The following DNAH7 variants were observed in gnomAD, a reference collection of about 807,000 sequenced individuals.
The protein encoded by DNAH7 is dynein axonemal heavy chain 7.
DNAH7 carries 397 observed loss-of-function variants against 444.6 expected under a neutral mutation model. That is an observed-to-expected ratio of 0.89 (90% CI 0.82 to 0.97). The LOEUF is 0.97. Ranked by LOEUF, DNAH7 falls within the 50% of genes least tolerant of loss-of-function variation. The probability of loss-of-function intolerance (pLI) is 0.00; values close to 1 mark genes in which losing one functional copy is unlikely to be tolerated. For missense variants in DNAH7, 4,902 were observed against 4,800.8 expected (o/e 1.02, Z -0.62); for synonymous variants, 1,636 against 1,624.4 (o/e 1.01, Z -0.17).
rs773579016 is a variant in DNAH7 at position 195,816,774 on chromosome 2, A to G, written c.9615T>C (p.Pro3205=). 2.5e-6 allele frequency: 4 copies of G among 1,614,178 alleles called. No individual in the cohort carries two copies. The highest frequency in any genetic ancestry group is 3.4e-6 in the Non-Finnish European group (4 of 1,180,018). ...KIDTTRMGYR[P]IAIHSSILFF... is the part of the protein sequence containing the mutation. ...ATAGGATGGAAGAATGGATGGCAAT[A>G]GGACGATAGCCCATGCGGGTGGTGT... Residue 3205 remains proline (P), a synonymous_variant, in exon 51 of 65, where the codon CCT becomes CCC. Transcript: ENST00000312428.
chr2:196,033,892 A>G (rs1696219279), intron 5 of DNAH7, among the ~76,000 whole-genome samples: 1 of 152,198 alleles, frequency 6.6e-6, no homozygotes, highest in African/African-American at 2.4e-5. Context: ...GGCTGCACTA[A>G]TTTACATTCT....
Position 195,960,345 on chromosome 2 carries a change from T to G in DNAH7, c.2806A>C (p.Ile936Leu), listed in dbSNP as rs1220171765. 5.6e-6 allele frequency: 9 copies of G among 1,613,914 alleles called. No individual in the cohort carries two copies. The South Asian group carries it at 9.9e-5, about 18-fold the overall frequency. Residue 936 changes from isoleucine (I) to leucine (L), a missense_variant, in exon 18 of 65, where the codon ATT becomes CTT. By Grantham distance (5) the Ile-to-Leu change is conservative. Coordinates refer to ENST00000312428, the MANE Select transcript of DNAH7 (RefSeq NM_018897.3). The stretch of plus-strand genomic sequence containing the variant: ...ATATGGTCATCCAACAACATCTGAA[T>G]TTCATCAACTGATGCCAAAATAAAT... ...GTFILASVDE[I>L]QMLLDDHIIK...
intron 24 of DNAH7, among the ~76,000 whole-genome samples, chr2:195,916,099 A>T (rs1687656887): frequency 6.6e-6 from 1 of 152,192 alleles, no homozygotes; most frequent in Admixed American, 6.5e-5. Flanking sequence ...AATGGTGGTG[A>T]AACAACTGGA....
chr2:195,986,800 C>T (rs964547731), intron 14 of DNAH7, among the ~76,000 whole-genome samples: 1 of 152,088 alleles, frequency 6.6e-6, no homozygotes, highest in Non-Finnish European at 1.5e-5. Flanking sequence ...TAGATAATGT[C>T]CACTTGACTT....
At chr2:195,914,972 C>T (rs535916840) in intron 24 of DNAH7, among the ~76,000 whole-genome samples, 13 of 152,262 alleles carry the variant, frequency 8.5e-5, no homozygotes, top group African/African-American at 2.9e-4. Flanking sequence ...AAAACATTTA[C>T]AATTCTAATC....
chr2:196,047,403 G>T lies in DNAH7; in HGVS notation c.347C>A (p.Ser116Tyr). Residue 116 changes from serine (S) to tyrosine (Y), a missense_variant, in exon 5 of 65, where the codon TCT becomes TAT. By Grantham distance (144) the Ser-to-Tyr change is moderately radical. Coordinates refer to ENST00000312428, the MANE Select transcript of DNAH7 (RefSeq NM_018897.3). ...GPSTSKSKGK[S>Y]PHKERENFRS... ...AAAGTTTTCTCGTTCTTTATGTGGA[G>T]ATTTGCCCTTTGATTTGGAAGTAGA... 1 of 1,601,282 alleles carries T rather than the reference G, an allele frequency of 6.2e-7. No homozygotes were observed. Among genetic ancestry groups the T allele is most frequent in the Non-Finnish European group, 8.5e-7 (1 of 1,173,020 alleles).
At chr2:195,957,482 C>A (rs1690752200) in intron 18 of DNAH7, 35 bp from the exon 19 acceptor site, 1 of 1,441,444 alleles carries the variant, frequency 6.9e-7, no homozygotes, top group Non-Finnish European at 9.2e-7. Context: ...TTACTGACAG[C>A]AAACCAAGCA....
At chr2:195,795,884 G>A (rs1696108683) in intron 56 of DNAH7, 1 of 152,260 alleles carries the variant, frequency 6.6e-6, no homozygotes, top group Admixed American at 6.5e-5. Flanking sequence ...CCAGATGGGT[G>A]GATGGTGCAA....
intron 46 of DNAH7, among the ~76,000 whole-genome samples, chr2:195,851,980 A>C (rs1201988598): frequency 6.6e-6 from 1 of 152,104 alleles, no homozygotes; most frequent in African/African-American, 2.4e-5. Flanking sequence ...CACCACTGGC[A>C]GGGCACGGTG....
At chr2:195,945,109 T>C (rs1167900189) in intron 19 of DNAH7, among the ~76,000 whole-genome samples, 2 of 152,060 alleles carry the variant, frequency 1.3e-5, no homozygotes, top group African/African-American at 4.8e-5. Flanking sequence ...CTAGATCTCA[T>C]ACTTGAGGTT....
chr2:195,905,773 T>G (rs1268401937), intron 27 of DNAH7: 1 of 152,110 alleles, frequency 6.6e-6, no homozygotes, highest in African/African-American at 2.4e-5. Context: ...CAAGAAAGTG[T>G]TTTGTTCTTT....
In DNAH7 at chr2:195,926,414, A is replaced by G. The variant is rs1574790453; in HGVS notation, c.3612+12T>C. On this transcript the variant is annotated intron_variant, in intron 22 of 64. Coordinates refer to ENST00000312428, the MANE Select transcript of DNAH7 (RefSeq NM_018897.3). ...AATGCTTAAAAAAACCCGAGGGTTA[A>G]TAAAACCTTACCTTTATCCCCATTG... 6.6e-7 allele frequency: 1 copy of G among 1,504,332 alleles called. No individual in the cohort carries two copies. Among genetic ancestry groups the G allele is most frequent in the East Asian group, 2.5e-5 (1 of 39,846 alleles). 93.2% of individuals were successfully genotyped at this position (1,504,332 alleles called of 1,614,324 possible).
rs1553518206 is a variant in DNAH7, at chr2:195,778,643, A to AAAAAAT, written c.10879-659_10879-658insATTTTT. Among the ~76,000 whole-genome samples, 16 of 56,216 alleles carry AAAAAAT rather than the reference A, an allele frequency of 2.8e-4. 1 individual carries two copies. The East Asian group carries it at 2.8e-3, about 10-fold the overall frequency. 36.9% of individuals were successfully genotyped at this position (56,216 alleles called of 152,430 possible). A position where few individuals can be genotyped will look rare whatever the true frequency, so the allele number is the denominator to read the frequency against. ...GAAAAAAAAAAAAAATAAATAAATA[A>AAAAAAT]ATATATATATATATATATATATATA... is the stretch of plus-strand genomic sequence containing the variant. On this transcript the variant is annotated intron_variant, in intron 58 of 64. Coordinates refer to ENST00000312428, the MANE Select transcript of DNAH7 (RefSeq NM_018897.3).
chr2:195,938,212 T>C (rs1392761853), intron 19 of DNAH7, among the ~76,000 whole-genome samples: 1 of 152,096 alleles, frequency 6.6e-6, no homozygotes, highest in African/African-American at 2.4e-5. Context: ...AAAATAATTA[T>C]CATTACTTGT....
rs891449146 is a variant in DNAH7, at chr2:195,748,185, C to T, written c.11764+6152G>A. Among the ~76,000 whole-genome samples the T allele has an allele frequency of 2.0e-5, 3 of 151,950 alleles. No homozygotes were observed. The East Asian group carries it at 5.8e-4, about 29-fold the overall frequency. Reference sequence around the variant, plus strand: ...CAAAAATCACAAGCATTCTTATACACCAATAACAGACAAACAGAGAGCCAA... The same window carrying T: ...CAAAAATCACAAGCATTCTTATACATCAATAACAGACAAACAGAGAGCCAA... On this transcript the variant is annotated intron_variant, in intron 63 of 64. Coordinates refer to ENST00000312428, the MANE Select transcript of DNAH7 (RefSeq NM_018897.3).
At chr2:196,036,788 T>C (rs937775662) in intron 5 of DNAH7, among the ~76,000 whole-genome samples, 4 of 152,190 alleles carry the variant, frequency 2.6e-5, no homozygotes, top group African/African-American at 9.7e-5. Context: ...ATGCAACCCA[T>C]CTGGGCCCCA....
intron 47 of DNAH7, among the ~76,000 whole-genome samples, chr2:195,843,218 T>TA (rs1698791780): frequency 6.6e-6 from 1 of 152,208 alleles, no homozygotes; most frequent in Non-Finnish European, 1.5e-5. Flanking sequence ...TGCCACATGT[T>TA]AAGTAATTCA....
chr2:195,795,264 C>A (rs1413945902), intron 56 of DNAH7, among the ~76,000 whole-genome samples: 1 of 152,176 alleles, frequency 6.6e-6, no homozygotes, highest in African/African-American at 2.4e-5. Context: ...TGCCTGTAAT[C>A]CTAGCTACTC....
In DNAH7 at chr2:195,922,106, A is replaced by C; in HGVS notation, c.3917T>G (p.Leu1306Arg). The stretch of plus-strand genomic sequence containing the variant: ...GGTTTACCTGTAACATCTATCCGTG[A>C]GTGGTGTAATAACCAGCCTAGGGGA... The part of the protein sequence containing the change: ...GNSPRLVITP[L>R]TDRCYRTLFG... The change falls in exon 24 of 65, where the codon CTC becomes CGC. Residue 1306 changes from leucine (L) to arginine (R), a missense_variant. Transcript: ENST00000312428. 2.5e-6 allele frequency: 4 copies of C among 1,601,940 alleles called. No homozygotes were observed. In the African/African-American group the frequency reaches 5.3e-5, roughly 21 times the overall value.
Sources: gnomAD v4.1 joint callset for allele counts (sites outside exome capture counted in the v4.1 genomes callset) on GRCh38, gnomAD v4.1.1 for gene constraint, MANE v1.5 for transcripts, NCBI Gene and HGNC (gene_info 2026-07-23, HGNC 2026-07-21) for gene names.